The following WDR35 variants were observed in gnomAD, a reference collection of about 807,000 sequenced individuals.
WDR35 encodes WD repeat-containing protein 35.
WDR35 carries 118 observed loss-of-function variants against 158.3 expected under a neutral mutation model. The observed-to-expected ratio is 0.75, with a 90% CI of 0.64 to 0.87. The LOEUF (loss-of-function observed/expected upper bound fraction) is 0.87, where lower values mean the gene tolerates loss of function less well. Among genes scored for constraint, WDR35 ranks in the 40% least tolerant of loss-of-function variants. WDR35 has a pLI of 0.00. For synonymous variants in WDR35, 448 were observed against 476.1 expected (o/e 0.94, Z 0.77); for missense variants, 1,263 against 1,405.8 (o/e 0.90, Z 1.62).
At chr2:19,914,821 G>A (rs1345519367) in intron 25 of WDR35, among the ~76,000 whole-genome samples, 1 of 151,648 alleles carries the variant, frequency 6.6e-6, no homozygotes, top group Non-Finnish European at 1.5e-5. Flanking sequence ...GTGAAAAAGT[G>A]AAAATGAGTC....
intron 14 of WDR35, among the ~76,000 whole-genome samples, chr2:19,946,777 T>C (rs985843222): frequency 6.6e-6 from 1 of 152,012 alleles, no homozygotes; most frequent in Non-Finnish European, 1.5e-5. Flanking sequence ...GTATTCTAAT[T>C]TTTTTTCATG....
chr2:19,914,784 T>C (rs1669943095), intron 25 of WDR35, among the ~76,000 whole-genome samples: 1 of 152,214 alleles, frequency 6.6e-6, no homozygotes, highest in South Asian at 2.1e-4. Flanking sequence ...GCTTTTGTCA[T>C]TTGTCTCACT....
intron 2 of WDR35, among the ~76,000 whole-genome samples, chr2:19,983,918 A>G (rs966921045): frequency 1.4e-4 from 22 of 151,928 alleles, no homozygotes; most frequent in Non-Finnish European, 2.9e-4. Context: ...ATTGTACAAC[A>G]TACTTAAACT....
intron 5 of WDR35, 77 bp downstream of exon 5, chr2:19,978,674 T>C (rs2103460517): frequency 6.3e-7 from 1 of 1,597,968 alleles, no homozygotes; most frequent in Non-Finnish European, 8.6e-7. Context: ...TAACATATGG[T>C]AACTAACTTA....
intron 9 of WDR35, 49 bp from the exon 10 acceptor site, chr2:19,966,958 A>G (rs1558351199): frequency 6.4e-7 from 1 of 1,570,428 alleles, no homozygotes; most frequent in Non-Finnish European, 8.7e-7. Flanking sequence ...AGGGAGAAGA[A>G]TTATTTAGTA....
chr2:19,915,049 C>T (rs1389418722), intron 25 of WDR35, among the ~76,000 whole-genome samples: 3 of 151,798 alleles, frequency 2.0e-5, no homozygotes, highest in African/African-American at 4.8e-5. Context: ...CAAGCCTGCA[C>T]GTTCTGTACA....
chr2:19,912,696 C>T lies in WDR35; in HGVS notation c.*862G>A, dbSNP rs1183076011. On this transcript the variant is annotated 3_prime_UTR_variant, in exon 27 of 27. Transcript: ENST00000281405. ...AGAACATTATTAGCTATGTAAAAGA[C>T]ATAAGAAATGATCCATTATGGATCA... 6.6e-6 allele frequency: 1 copy of T among 152,070 alleles called. No individual in the cohort carries two copies. Among genetic ancestry groups the T allele is most frequent in the African/African-American group, 2.4e-5 (1 of 41,410 alleles). The allele number at this position is 152,070 out of a possible 1,614,324, so 9.4% of individuals were successfully genotyped here. A position where few individuals can be genotyped will look rare whatever the true frequency, so the allele number is the denominator to read the frequency against.
chr2:19,933,586 G>A (rs747553827), intron 21 of WDR35, 75 bp from the exon 22 acceptor site: 273 of 1,271,666 alleles, frequency 2.1e-4, no homozygotes, highest in African/African-American at 6.0e-4. Flanking sequence ...ACAAAACTCC[G>A]TAGGGACGTA....
intron 11 of WDR35, 106 bp downstream of exon 11, chr2:19,960,448 G>T: frequency 1.1e-6 from 1 of 919,620 alleles, no homozygotes; most frequent in South Asian, 1.5e-5. Flanking sequence ...GGTCATCCTC[G>T]TTTTAGAAAA....
chr2:19,956,413 G>A (rs1572346152), intron 11 of WDR35, among the ~76,000 whole-genome samples: 8 of 151,980 alleles, frequency 5.3e-5, no homozygotes, highest in Admixed American at 5.2e-4. Context: ...CAGACTTCTT[G>A]GATTCAAATG....
chr2:19,982,568 T>C (rs1672418700), intron 2 of WDR35, 34 bp from the exon 3 acceptor site: 4 of 1,601,102 alleles, frequency 2.5e-6, no homozygotes, highest in African/African-American at 1.3e-5. Context: ...CTATGATAAA[T>C]ATGTAAAAGT....
chr2:19,911,096 T>C lies in WDR35; in HGVS notation c.*2462A>G, dbSNP rs1669820004. On this transcript the variant is annotated 3_prime_UTR_variant, in exon 27 of 27. Coordinates refer to ENST00000281405, the MANE Select transcript of WDR35 (RefSeq NM_020779.4). ...CTTAGGATCTACCTGGAATAATTCGTTGGTGGGAAAATTCTAGGGCTCAGG... is the reference window on the plus strand; with the variant it reads ...CTTAGGATCTACCTGGAATAATTCGCTGGTGGGAAAATTCTAGGGCTCAGG... 6.6e-6 allele frequency: 1 copy of C among 152,010 alleles called. No individual in the cohort carries two copies. Among genetic ancestry groups the C allele is most frequent in the Non-Finnish European group, 1.5e-5 (1 of 68,020 alleles). The allele number at this position is 152,010 out of a possible 1,614,324, so 9.4% of individuals were successfully genotyped here. A position where few individuals can be genotyped will look rare whatever the true frequency, so the allele number is the denominator to read the frequency against.
intron 10 of WDR35, chr2:19,962,419 T>C: frequency 7.9e-7 from 1 of 1,268,786 alleles, no homozygotes; most frequent in Non-Finnish European, 1.1e-6. Context: ...GTGGCTTATA[T>C]ACAAATAATC....
intron 7 of WDR35, 47 bp from the exon 8 acceptor site, chr2:19,973,755 C>G: frequency 6.3e-7 from 1 of 1,579,462 alleles, no homozygotes. Flanking sequence ...AATACGTAGC[C>G]TAGAGAACTT....
At position 19,932,447 on chromosome 2, in the gene WDR35, A is replaced by T. The variant is rs1178881438; in HGVS notation, c.2659T>A (p.Trp887Arg). The change falls in exon 23 of 27, where the codon TGG becomes AGG. Residue 887 changes from tryptophan to arginine, a missense_variant and splice_region_variant. Coordinates refer to ENST00000281405, the MANE Select transcript of WDR35 (RefSeq NM_020779.4). ...AVDTCVHLNQ[W>R]NKAVELAKNH... ...TTAGCCAATTCAACAGCTTTGTTCC[A>T]CTAGGAGAAAAATTACACCATTCAG... 6.2e-7 allele frequency: 1 copy of T among 1,613,220 alleles called. No homozygotes were observed. The highest frequency in any genetic ancestry group is 1.7e-5 in the Admixed American group (1 of 60,006).
chr2:19,984,004 T>C (rs1400470368), intron 2 of WDR35, among the ~76,000 whole-genome samples: 1 of 1,886 alleles, frequency 5.3e-4, no homozygotes, highest in African/African-American at 6.9e-4. Flanking sequence ...TTCTAATGCA[T>C]ATATATATAT....
At chr2:19,966,091 A>T (rs1671842638) in intron 10 of WDR35, among the ~76,000 whole-genome samples, 1 of 152,224 alleles carries the variant, frequency 6.6e-6, no homozygotes, top group African/African-American at 2.4e-5. Context: ...TCAGGAGAGA[A>T]CACCAGCAAA....
chr2:19,969,754 T>A (rs1454634781), intron 8 of WDR35, 149 bp from the exon 9 acceptor site: 5 of 904,882 alleles, frequency 5.5e-6, no homozygotes, highest in South Asian at 3.5e-5. Context: ...TTGAATTTTT[T>A]TTTTTTTTTT....
At chr2:19,954,003 T>C (rs926722562) in intron 11 of WDR35, 25 bp from the exon 12 acceptor site, 2 of 1,613,694 alleles carry the variant, frequency 1.2e-6, no homozygotes, top group South Asian at 2.2e-5. Flanking sequence ...ATTAAGATAA[T>C]TTACAGTTAC....
Sources: gnomAD v4.1 joint callset for allele counts (sites outside exome capture counted in the v4.1 genomes callset) on GRCh38, gnomAD v4.1.1 for gene constraint, MANE v1.5 for transcripts, NCBI Gene and HGNC (gene_info 2026-07-23, HGNC 2026-07-21) for gene names.